The following KAT7 variants were observed in gnomAD, a reference collection of about 807,000 sequenced individuals.
The protein encoded by KAT7 is lysine acetyltransferase 7.
Under a neutral mutation model 82.1 loss-of-function variants are expected in KAT7, and 10 were observed. That is an observed-to-expected ratio of 0.12 (90% CI 0.08 to 0.21). The LOEUF (loss-of-function observed/expected upper bound fraction) is 0.21. KAT7 is among the 10% of genes least tolerant of loss of function. The probability of loss-of-function intolerance (pLI) is 1.00; values close to 1 mark genes in which losing one functional copy is unlikely to be tolerated. For synonymous variants in KAT7, 250 were observed against 262.5 expected (o/e 0.95, Z 0.46); for missense variants, 378 against 760.9 (o/e 0.50, Z 5.92).
In KAT7 at chr17:49,821,712, T is replaced by C. The variant is rs2074305756; in HGVS notation, c.1308T>C (p.Tyr436=). The C allele has an allele frequency of 1.2e-6, 2 of 1,613,936 alleles. No homozygotes were observed. Among genetic ancestry groups the C allele is most frequent in the East Asian group, 4.5e-5 (2 of 44,876 alleles). Residue 436 remains tyrosine (Y), a synonymous_variant, in exon 11 of 15, where the codon TAT becomes TAC. Coordinates refer to ENST00000259021, the MANE Select transcript of KAT7 (RefSeq NM_007067.5). The part of the protein sequence containing the change: ...KLFLDHKTLY[Y]DVEPFLFYVM... The stretch of plus-strand genomic sequence containing the variant: ...TTCTGGACCACAAGACATTATATTA[T>C]GATGTGGAGCCCTTCCTGTTCTATG...
intron 7 of KAT7, among the ~76,000 whole-genome samples, chr17:49,813,214 C>T (rs1309624275): frequency 6.6e-6 from 1 of 151,796 alleles, no homozygotes; most frequent in African/African-American, 2.4e-5. Context: ...TTTATTGTTC[C>T]CTTCTTTGTG....
intron 8 of KAT7, 145 bp from the exon 9 acceptor site, chr17:49,817,675 C>T: frequency 3.3e-6 from 2 of 608,386 alleles, no homozygotes; most frequent in Middle Eastern, 4.5e-4. Context: ...CCATTTCGGC[C>T]AGGCTGGTCT....
intron 12 of KAT7, chr17:49,823,759 A>T (rs2143982571): frequency 6.5e-6 from 1 of 154,856 alleles, no homozygotes; most frequent in East Asian, 1.9e-4. Context: ...CCCCAAAATC[A>T]ATCTTAACAT....
chr17:49,824,280 T>G (rs2074340922), intron 12 of KAT7, among the ~76,000 whole-genome samples: 1 of 152,202 alleles, frequency 6.6e-6, no homozygotes, highest in African/African-American at 2.4e-5. Flanking sequence ...TATTCTATAT[T>G]TGATGTCCAC....
intron 5 of KAT7, among the ~76,000 whole-genome samples, chr17:49,806,376 A>G (rs1419475487): frequency 6.6e-6 from 1 of 152,228 alleles, no homozygotes; most frequent in Non-Finnish European, 1.5e-5. Context: ...TTCCGTGCTT[A>G]TATGGATTTT....
intron 1 of KAT7, among the ~76,000 whole-genome samples, chr17:49,791,395 C>T (rs1048393121): frequency 6.6e-6 from 1 of 152,138 alleles, no homozygotes; most frequent in Non-Finnish European, 1.5e-5. Context: ...TGGTGGCTCA[C>T]GTCTGTAATC....
At chr17:49,789,185 C>T (rs2073850462) in intron 1 of KAT7, 2 of 226,310 alleles carry the variant, frequency 8.8e-6, no homozygotes, top group South Asian at 2.5e-4. Flanking sequence ...GTGTCTGGCC[C>T]CGGCCCCAGC....
chr17:49,793,230 A>G (rs1179288482), intron 2 of KAT7, among the ~76,000 whole-genome samples: 1 of 152,254 alleles, frequency 6.6e-6, no homozygotes, highest in Non-Finnish European at 1.5e-5. Context: ...GCAGAGGCCC[A>G]CTTCTAAAAC....
In KAT7 at chr17:49,828,837, G is replaced by A. The variant is rs2074398806; in HGVS notation, c.*1335G>A. On this transcript the variant is annotated 3_prime_UTR_variant, in exon 15 of 15. Transcript: ENST00000259021. ...ATGTGGAGCCCTCACCACAATCCCT[G>A]ACTCCGGTCATTTGTGCCTTTCTCT... 1 of 153,348 alleles carries A rather than the reference G, an allele frequency of 6.5e-6. No individual in the cohort carries two copies. Among genetic ancestry groups the A allele is most frequent in the African/African-American group, 2.4e-5 (1 of 41,412 alleles). 9.5% of individuals were successfully genotyped at this position (153,348 alleles called of 1,614,324 possible). A position where few individuals can be genotyped will look rare whatever the true frequency, so the allele number is the denominator to read the frequency against.
At chr17:49,818,274 C>T (rs1336009196) in intron 9 of KAT7, among the ~76,000 whole-genome samples, 1 of 152,188 alleles carries the variant, frequency 6.6e-6, no homozygotes, top group African/African-American at 2.4e-5. Flanking sequence ...TTCTTGCTGC[C>T]TACTGCTCTT....
intron 7 of KAT7, among the ~76,000 whole-genome samples, chr17:49,814,770 A>G (rs2074213218): frequency 6.6e-6 from 1 of 152,160 alleles, no homozygotes; most frequent in Non-Finnish European, 1.5e-5. Flanking sequence ...GTAGAACCCA[A>G]ATCTTAGATG....
At chr17:49,813,809 G>A (rs1174482533) in intron 7 of KAT7, among the ~76,000 whole-genome samples, 1 of 152,006 alleles carries the variant, frequency 6.6e-6, no homozygotes, top group Non-Finnish European at 1.5e-5. Flanking sequence ...TTATATGCAG[G>A]GAGGTTGTGG....
rs928445354 is a variant in KAT7, at chr17:49,796,940, G to C, written c.340+14G>C. On this transcript the variant is annotated intron_variant, in intron 3 of 14. Transcript: ENST00000259021. ...TTTCAGATAGAGGTGAGTGGGTATG[G>C]TATGACTTAGACCTATTACAGAGCA... The C allele has an allele frequency of 5.0e-6, 8 of 1,612,614 alleles. No homozygotes were observed. The highest frequency in any genetic ancestry group is 6.8e-6 in the Non-Finnish European group (8 of 1,178,676).
Position 49,831,603 on chromosome 17 carries a change from G to A in KAT7, c.*4101G>A, listed in dbSNP as rs2074425367. 6.6e-6 allele frequency: 1 copy of A among 152,090 alleles called. No homozygotes were observed. Among genetic ancestry groups the A allele is most frequent in the Non-Finnish European group, 1.5e-5 (1 of 68,028 alleles). 9.4% of individuals were successfully genotyped at this position (152,090 alleles called of 1,614,324 possible). ...ACTTTTGGCATTGTTATGAGGTCTGGTCACCTGATGCTTCCATGCTATTTT... is the reference window on the plus strand; with the variant it reads ...ACTTTTGGCATTGTTATGAGGTCTGATCACCTGATGCTTCCATGCTATTTT... On this transcript the variant is annotated 3_prime_UTR_variant, in exon 15 of 15. Coordinates refer to ENST00000259021, the MANE Select transcript of KAT7 (RefSeq NM_007067.5).
At chr17:49,821,464 G>T (rs1351706714) in intron 10 of KAT7, 38 bp downstream of exon 10, 1 of 1,574,884 alleles carries the variant, frequency 6.3e-7, no homozygotes, top group East Asian at 2.2e-5. Context: ...TTGAAATGTT[G>T]TATATTCACA....
chr17:49,821,724 C>G lies in KAT7; in HGVS notation c.1320C>G (p.Pro440=). 6.2e-7 allele frequency: 1 copy of G among 1,613,720 alleles called. No homozygotes were observed. Among genetic ancestry groups the G allele is most frequent in the South Asian group, 1.1e-5 (1 of 91,074 alleles). The change falls in exon 11 of 15, where the codon CCC becomes CCG. Residue 440 remains proline, a synonymous_variant. Transcript: ENST00000259021. ...DHKTLYYDVE[P]FLFYVMTEAD... ...AGACATTATATTATGATGTGGAGCC[C>G]TTCCTGTTCTATGTTATGACAGAGG...
chr17:49,816,192 G>A (rs763394117), intron 8 of KAT7, among the ~76,000 whole-genome samples: 21 of 152,052 alleles, frequency 1.4e-4, no homozygotes, highest in South Asian at 4.1e-4. Flanking sequence ...AACCATAGGC[G>A]CCCCTTTGTC....
intron 7 of KAT7, among the ~76,000 whole-genome samples, chr17:49,812,207 TTGAATTC>T (rs2074174808): frequency 6.6e-6 from 1 of 152,098 alleles, no homozygotes; most frequent in African/African-American, 2.4e-5. Flanking sequence ...ATGTAGCACT[TTGAATTC>T]TGTGTTTTCG....
intron 4 of KAT7, among the ~76,000 whole-genome samples, chr17:49,802,638 C>T (rs1339499596): frequency 1.3e-5 from 2 of 151,080 alleles, no homozygotes; most frequent in Admixed American, 1.3e-4. Context: ...TGCACTCCAG[C>T]CTGGGCAACA....
Sources: allele counts gnomAD v4.1 joint callset (sites outside exome capture counted in the v4.1 genomes callset), GRCh38; gene constraint gnomAD v4.1.1; transcripts MANE v1.5; gene names NCBI Gene and HGNC (gene_info 2026-07-23, HGNC 2026-07-21).